The following CIMIP2C variants were observed in gnomAD, a reference collection of about 807,000 sequenced individuals.
The protein encoded by CIMIP2C is ciliary microtubule inner protein 2C, also known as UPF0573 protein C2orf70.
the CIMIP2C span, chr2:26,572,037 G>T: frequency 6.9e-7 from 1 of 1,454,676 alleles, no homozygotes; most frequent in South Asian, 1.4e-5. Context: ...CACTATAGGA[G>T]AGAGAGAGAG....
At chr2:26,577,439 C>T in the CIMIP2C span, 18 of 1,323,306 alleles carry the variant, frequency 1.4e-5, no homozygotes, top group Admixed American at 3.6e-5. Flanking sequence ...CCAGGTGCAG[C>T]GAGGCATGGA....
chr2:26,571,740 G>C, the CIMIP2C span, among the ~76,000 whole-genome samples: 6 of 152,120 alleles, frequency 3.9e-5, no homozygotes, highest in Admixed American at 2.0e-4. Context: ...ATATTCAGAC[G>C]AGATCGGGCG....
At chr2:26,563,409 C>T in the CIMIP2C span, among the ~76,000 whole-genome samples, 1 of 152,210 alleles carries the variant, frequency 6.6e-6, no homozygotes. Context: ...CTGGCTGTTG[C>T]CTCCTGTTCT....
chr2:26,573,266 T>C, the CIMIP2C span, among the ~76,000 whole-genome samples: 2 of 152,202 alleles, frequency 1.3e-5, no homozygotes, highest in African/African-American at 4.8e-5. Flanking sequence ...GAATCTGCAA[T>C]CCCGCCTTCC....
the CIMIP2C span, among the ~76,000 whole-genome samples, chr2:26,567,516 G>A: frequency 7.9e-5 from 12 of 152,352 alleles, no homozygotes; most frequent in South Asian, 1.0e-3. Context: ...TGGGAACAGA[G>A]TAATACACTC....
the CIMIP2C span, among the ~76,000 whole-genome samples, chr2:26,568,109 G>T: frequency 6.6e-6 from 1 of 152,212 alleles, no homozygotes; most frequent in East Asian, 1.9e-4. Context: ...CTCATCTCCA[G>T]CTGAGGGAAA....
At chr2:26,567,332 T>C in the CIMIP2C span, among the ~76,000 whole-genome samples, 1 of 152,202 alleles carries the variant, frequency 6.6e-6, no homozygotes, top group African/African-American at 2.4e-5. Flanking sequence ...GGGCTCCCCA[T>C]TTGTTGGGCA....
chr2:26,562,707 C>T, the CIMIP2C span: 1 of 1,549,728 alleles, frequency 6.5e-7, no homozygotes, highest in Non-Finnish European at 8.7e-7. Flanking sequence ...GGGAGCGCCT[C>T]CTCCCCTCCC....
the CIMIP2C span, chr2:26,572,090 T>C: frequency 6.5e-7 from 1 of 1,543,076 alleles, no homozygotes; most frequent in East Asian, 2.5e-5. Context: ...GTTGTACTTT[T>C]TTCTAACGAT....
At chr2:26,564,557 T>C in the CIMIP2C span, among the ~76,000 whole-genome samples, 1 of 152,098 alleles carries the variant, frequency 6.6e-6, no homozygotes, top group Non-Finnish European at 1.5e-5. Context: ...TCTGGAAGGG[T>C]TGTGTTCCCC....
At chr2:26,568,946 G>A in the CIMIP2C span, among the ~76,000 whole-genome samples, 70 of 151,566 alleles carry the variant, frequency 4.6e-4, 1 homozygote, top group Middle Eastern at 0.014. Flanking sequence ...GCTTGAACCC[G>A]GGAGATGGAG....
the CIMIP2C span, among the ~76,000 whole-genome samples, chr2:26,573,725 G>T: frequency 6.6e-6 from 1 of 152,238 alleles, no homozygotes. Context: ...GACCGCCAGG[G>T]TCACGGTGTC....
chr2:26,572,715 C>G, the CIMIP2C span, among the ~76,000 whole-genome samples: 19 of 152,312 alleles, frequency 1.2e-4, no homozygotes, highest in African/African-American at 4.3e-4. Context: ...ATGAGACAGG[C>G]GCTGGGGCCG....
At chr2:26,571,232 A>G in the CIMIP2C span, among the ~76,000 whole-genome samples, 5 of 151,832 alleles carry the variant, frequency 3.3e-5, no homozygotes, top group Non-Finnish European at 1.5e-5. Context: ...AGAGAAGAGG[A>G]CCCTGGGGCA....
the CIMIP2C span, chr2:26,563,066 C>T: frequency 8.1e-6 from 2 of 247,690 alleles, no homozygotes; most frequent in African/African-American, 4.6e-5. Flanking sequence ...AAAATCAGGC[C>T]CTTCCGTCCG....
chr2:26,570,800 G>A, the CIMIP2C span, among the ~76,000 whole-genome samples: 1 of 152,186 alleles, frequency 6.6e-6, no homozygotes, highest in Non-Finnish European at 1.5e-5. Flanking sequence ...GCTGGAGGGG[G>A]TGATGCTCCA....
At chr2:26,569,592 G>A in the CIMIP2C span, among the ~76,000 whole-genome samples, 1 of 152,208 alleles carries the variant, frequency 6.6e-6, no homozygotes, top group Non-Finnish European at 1.5e-5. Flanking sequence ...ATGGTAATTA[G>A]TTTTAATGTT....
chr2:26,576,325 C>A, the CIMIP2C span: 2 of 1,024,790 alleles, frequency 2.0e-6, no homozygotes, highest in Non-Finnish European at 2.8e-6. Context: ...CAGCAGAGAG[C>A]ATGGTGGGCT....
At chr2:26,574,732 A>G in the CIMIP2C span, among the ~76,000 whole-genome samples, 1 of 152,236 alleles carries the variant, frequency 6.6e-6, no homozygotes, top group Non-Finnish European at 1.5e-5. Context: ...TGTTGGCAAA[A>G]GCAACAGAAA....
Sources: allele counts gnomAD v4.1 joint callset (sites outside exome capture counted in the v4.1 genomes callset), GRCh38; gene constraint gnomAD v4.1.1; transcripts MANE v1.5; gene names NCBI Gene and HGNC (gene_info 2026-07-23, HGNC 2026-07-21).